Variants in HDAC5 observed in about 807,000 individuals in gnomAD.
HDAC5 encodes histone deacetylase 5.
Under a neutral mutation model 133.3 loss-of-function variants are expected in HDAC5, and 25 were observed. The observed-to-expected ratio is 0.19, with a 90% CI of 0.14 to 0.26. The LOEUF is 0.26. HDAC5 is among the 10% of genes least tolerant of loss of function. The pLI is 1.00. For missense variants in HDAC5, 1,041 were observed against 1,460.5 expected (o/e 0.71, Z 4.68); for synonymous variants, 589 against 610.8 (o/e 0.96, Z 0.53).
At chr17:44,092,598 C>G in intron 7 of HDAC5, 71 bp from the exon 8 acceptor site, 2 of 1,558,100 alleles carry the variant, frequency 1.3e-6, no homozygotes, top group Middle Eastern at 3.5e-4. Context: ...CCACTGGGGT[C>G]AGGGCTGACA....
At chr17:44,100,238 G>C (rs978074162) in intron 3 of HDAC5, among the ~76,000 whole-genome samples, 2 of 152,070 alleles carry the variant, frequency 1.3e-5, no homozygotes, top group African/African-American at 4.8e-5. Context: ...ACCATGAGCT[G>C]CACCCCAGGT....
intron 2 of HDAC5, among the ~76,000 whole-genome samples, chr17:44,112,394 T>G (rs2052399936): frequency 6.6e-6 from 1 of 151,916 alleles, no homozygotes; most frequent in Non-Finnish European, 1.5e-5. Context: ...TGCCTCCCAC[T>G]GGTACAAAGA....
chr17:44,110,798 C>T lies in HDAC5; in HGVS notation c.25G>A (p.Gly9Arg). 1 of 1,613,374 alleles carries T rather than the reference C, an allele frequency of 6.2e-7. No individual in the cohort carries two copies. Among genetic ancestry groups the T allele is most frequent in the Non-Finnish European group, 8.5e-7 (1 of 1,179,564 alleles). Reference protein sequence around the residue: MNSPNESDGMSGREPSLEI... With the variant: MNSPNESDRMSGREPSLEI... Reference sequence around the variant, plus strand: ...AAGGATGGTTCCCGACCTGACATCCCATCTGCTGAGAAACAGGATTCTGTC... The same window carrying T: ...AAGGATGGTTCCCGACCTGACATCCTATCTGCTGAGAAACAGGATTCTGTC... The change falls in exon 3 of 27, where the codon GGG becomes AGG. Residue 9 changes from glycine to arginine, a missense_variant and splice_region_variant. Coordinates refer to ENST00000682912, the MANE Select transcript of HDAC5 (RefSeq NM_005474.5).
intron 2 of HDAC5, among the ~76,000 whole-genome samples, chr17:44,114,439 G>GA (rs1183069113): frequency 7.3e-6 from 1 of 136,602 alleles, no homozygotes; most frequent in Non-Finnish European, 1.5e-5. Context: ...AGCAGGCGTG[G>GA]GGGGGGGGGG....
At chr17:44,123,142 A>T in intron 1 of HDAC5, 1 of 185,178 alleles carries the variant, frequency 5.4e-6, no homozygotes, top group Non-Finnish European at 1.1e-5. Flanking sequence ...CAGGGCTCAA[A>T]TGGCTCTGCA....
chr17:44,088,574 A>T lies in HDAC5; in HGVS notation c.1412T>A (p.Leu471Gln), dbSNP rs759116989. The T allele has an allele frequency of 6.2e-7, 1 of 1,613,344 alleles. No homozygotes were observed. The highest frequency in any genetic ancestry group is 8.5e-7 in the Non-Finnish European group (1 of 1,179,862). ...GGTGGCCACACGTTCACCCGTCACT[A>T]GTGGGGACTGCCCGTGGAGTGGCAC... ...IAVPLHGQSP[L>Q]VTGERVATSM... The change falls in exon 12 of 27, where the codon CTA becomes CAA. Residue 471 changes from leucine (L) to glutamine (Q), a missense_variant. Coordinates refer to ENST00000682912, the MANE Select transcript of HDAC5 (RefSeq NM_005474.5).
In HDAC5 at chr17:44,092,371, C is replaced by T; in HGVS notation, c.919+10G>A. 6.2e-7 allele frequency: 1 copy of T among 1,611,946 alleles called. No homozygotes were observed. Among genetic ancestry groups the T allele is most frequent in the Non-Finnish European group, 8.5e-7 (1 of 1,178,286 alleles). On this transcript the variant is annotated intron_variant, in intron 8 of 26. Transcript: ENST00000682912. ...GACCCTCAGAACAGGTACATGAGAGCAGCCCTTACCCCCAGGCCCGGCACC... is the reference window on the plus strand; with the variant it reads ...GACCCTCAGAACAGGTACATGAGAGTAGCCCTTACCCCCAGGCCCGGCACC...
rs1346358132 is a variant in HDAC5 at position 44,078,020 on chromosome 17, C to T, written c.*356G>A. ...AGCTGAAACCAAGGCACCGACTTCC[C>T]GTTCCCTCCTCACTCGGGGGGCCCC... On this transcript the variant is annotated 3_prime_UTR_variant, in exon 27 of 27. Coordinates refer to ENST00000682912, the MANE Select transcript of HDAC5 (RefSeq NM_005474.5). 6 of 224,010 alleles carry T rather than the reference C, an allele frequency of 2.7e-5. No individual in the cohort carries two copies. Among genetic ancestry groups the T allele is most frequent in the South Asian group, 1.8e-4 (1 of 5,652 alleles). The allele number at this position is 224,010 out of a possible 1,614,324, so 13.9% of individuals were successfully genotyped here.
rs1268395142 is a variant in HDAC5, at chr17:44,091,280, G to T, written c.1377C>A (p.Thr459=). Reference sequence around the variant, plus strand: ...TACCTGTCCACTCACCAGCAATGAGGGTGCTCTGCTGCCGGGCCTGCTCCA... The same window carrying T: ...TACCTGTCCACTCACCAGCAATGAGTGTGCTCTGCTGCCGGGCCTGCTCCA... ...LLLEQARQQS[T]LIAVPLHGQS... is the part of the protein sequence containing the mutation. Residue 459 remains threonine (T), a synonymous_variant, in exon 11 of 27, where the codon ACC becomes ACA. Transcript: ENST00000682912. 4 of 1,610,598 alleles carry T rather than the reference G, an allele frequency of 2.5e-6. No homozygotes were observed. Among genetic ancestry groups the T allele is most frequent in the Middle Eastern group, 1.7e-4 (1 of 6,056 alleles).
chr17:44,082,234 G>A (rs969754222), intron 20 of HDAC5: 3 of 317,336 alleles, frequency 9.5e-6, no homozygotes, highest in Middle Eastern at 9.7e-4. Flanking sequence ...CTGGTATACA[G>A]TCTGCTCCTA....
intron 3 of HDAC5, among the ~76,000 whole-genome samples, chr17:44,101,874 G>A (rs1318947216): frequency 6.6e-6 from 1 of 151,768 alleles, no homozygotes; most frequent in Non-Finnish European, 1.5e-5. Flanking sequence ...CAATAAAGAG[G>A]AGATGAGGTA....
intron 2 of HDAC5, among the ~76,000 whole-genome samples, chr17:44,115,576 GCTGA>G (rs916895431): frequency 6.6e-5 from 10 of 152,248 alleles, no homozygotes; most frequent in Admixed American, 2.6e-4. Flanking sequence ...CTGGGGGGAG[GCTGA>G]CTATCTCCCT....
In HDAC5 at chr17:44,092,781, G is replaced by T; in HGVS notation, c.667C>A (p.Gln223Lys). ...GGGCCGCTCTGGGGAGGGGAACTCTGGTCCAAAGAAGCATGGTGGGCTCCC... is the reference window on the plus strand; with the variant it reads ...GGGCCGCTCTGGGGAGGGGAACTCTTGTCCAAAGAAGCATGGTGGGCTCCC... ...CWGAHHASLD[Q>K]SSPPQSGPPG... Residue 223 changes from glutamine (Q) to lysine (K), a missense_variant, in exon 7 of 27, where the codon CAG becomes AAG. Coordinates refer to ENST00000682912, the MANE Select transcript of HDAC5 (RefSeq NM_005474.5). 2.5e-6 allele frequency: 3 copies of T among 1,188,796 alleles called. No homozygotes were observed. The highest frequency in any genetic ancestry group is 3.4e-6 in the Non-Finnish European group (3 of 871,418). The allele number at this position is 1,188,796 out of a possible 1,614,324, so 73.6% of individuals were successfully genotyped here. A position where few individuals can be genotyped will look rare whatever the true frequency, so the allele number is the denominator to read the frequency against.
chr17:44,121,986 G>C (rs1219226374), intron 1 of HDAC5, among the ~76,000 whole-genome samples: 2 of 152,084 alleles, frequency 1.3e-5, no homozygotes, highest in Non-Finnish European at 2.9e-5. Flanking sequence ...AGAAAGCCCA[G>C]ATCCAAGTTC....
At chr17:44,088,892 G>A (rs1185046293) in intron 11 of HDAC5, among the ~76,000 whole-genome samples, 2 of 151,914 alleles carry the variant, frequency 1.3e-5, no homozygotes, top group East Asian at 3.9e-4. Flanking sequence ...ATTTAGTCTT[G>A]AGCCCTCTGA....
intron 11 of HDAC5, among the ~76,000 whole-genome samples, chr17:44,090,284 T>TA (rs991019788): frequency 3.3e-5 from 5 of 152,106 alleles, no homozygotes; most frequent in Non-Finnish European, 5.9e-5. Flanking sequence ...CTACAAAAAT[T>TA]AAAAAATAGA....
chr17:44,108,387 G>A (rs1015933101), intron 3 of HDAC5, among the ~76,000 whole-genome samples: 4 of 152,192 alleles, frequency 2.6e-5, no homozygotes, highest in Non-Finnish European at 5.9e-5. Flanking sequence ...CACTGTGCTA[G>A]GTGCTGGGCA....
Position 44,117,853 on chromosome 17 carries a change from G to C in HDAC5, c.-189-149C>G. On this transcript the variant is annotated intron_variant, in intron 1 of 26. Transcript: ENST00000682912. This position sits in a 1 kb window ranked among gnomAD's most constrained non-coding sequence, Gnocchi z 4.2. ...GCCACAGGAGAAATCTGCAGAACTG[G>C]ATAGACCCTGGTTTCTTATCTTACT... 1 of 548,136 alleles carries C rather than the reference G, an allele frequency of 1.8e-6. No individual in the cohort carries two copies. Among genetic ancestry groups the C allele is most frequent in the Non-Finnish European group, 3.2e-6 (1 of 308,246 alleles). The allele number at this position is 548,136 out of a possible 1,614,324, so 34.0% of individuals were successfully genotyped here.
chr17:44,081,254 C>CT (rs761764368), intron 20 of HDAC5, among the ~76,000 whole-genome samples: 8,952 of 147,024 alleles, frequency 0.061, 324 homozygotes, highest in African/African-American at 0.078. Context: ...GAGATTCTTT[C>CT]TTTTTTTTTT....
Sources: gnomAD v4.1 joint callset for allele counts (sites outside exome capture counted in the v4.1 genomes callset) on GRCh38, gnomAD v4.1.1 for gene constraint, Gnocchi (gnomAD v3.1) non-coding constraint, MANE v1.5 for transcripts, NCBI Gene and HGNC (gene_info 2026-07-23, HGNC 2026-07-21) for gene names.